The following MSI2 variants were observed in gnomAD, a reference collection of about 807,000 sequenced individuals.
MSI2 encodes musashi RNA binding protein 2, also known as RNA-binding protein Musashi homolog 2.
MSI2 carries 17 observed loss-of-function variants against 45.6 expected under a neutral mutation model. The observed-to-expected ratio is 0.37, with a 90% confidence interval of 0.26 to 0.56. The LOEUF is 0.56. MSI2 is among the 20% of genes least tolerant of loss of function. The pLI is 0.77. For synonymous variants in MSI2, 156 were observed against 158.2 expected (o/e 0.99, Z 0.11); for missense variants, 293 against 444.2 (o/e 0.66, Z 3.06).
chr17:57,668,653 G>A (rs1038597380), intron 11 of MSI2, among the ~76,000 whole-genome samples: 1 of 152,160 alleles, frequency 6.6e-6, no homozygotes, highest in Non-Finnish European at 1.5e-5. Flanking sequence ...TGTGTAAGAG[G>A]AGCCAGGGGA....
At chr17:57,543,481 AT>A (rs1346997915) in intron 7 of MSI2, among the ~76,000 whole-genome samples, 1 of 152,238 alleles carries the variant, frequency 6.6e-6, no homozygotes, top group Non-Finnish European at 1.5e-5. Flanking sequence ...GTGCCTATGC[AT>A]TTCTACCCCA....
intron 2 of MSI2, 86 bp downstream of exon 2, chr17:57,257,224 C>CT (rs1638610675): frequency 1.9e-6 from 1 of 533,354 alleles, no homozygotes; most frequent in Non-Finnish European, 2.9e-6. Flanking sequence ...GAGCCCCCCC[C>CT]CCCCCGCCAT....
intron 7 of MSI2, among the ~76,000 whole-genome samples, chr17:57,534,300 C>T (rs962283916): frequency 1.4e-4 from 21 of 152,254 alleles, no homozygotes; most frequent in Admixed American, 3.9e-4. Context: ...TTCTCCACAA[C>T]AGCCTTCTTG....
chr17:57,581,939 G>A lies in MSI2; in HGVS notation c.455-14929G>A, dbSNP rs551715780. Reference sequence around the variant, plus strand: ...TGCTATGAAAAATTTATTGAGACGAGTTCAGGTATGGCTGCCGTTAACATG... The same window carrying A: ...TGCTATGAAAAATTTATTGAGACGAATTCAGGTATGGCTGCCGTTAACATG... On this transcript the variant is annotated intron_variant, in intron 7 of 13. Coordinates refer to ENST00000284073, the MANE Select transcript of MSI2 (RefSeq NM_138962.4). Among the ~76,000 whole-genome samples the A allele has an allele frequency of 2.0e-5, 3 of 152,324 alleles. No homozygotes were observed. In the South Asian group the frequency reaches 6.2e-4, roughly 32 times the overall value.
At chr17:57,566,939 C>T (rs1023694083) in intron 7 of MSI2, among the ~76,000 whole-genome samples, 5 of 152,190 alleles carry the variant, frequency 3.3e-5, no homozygotes, top group Admixed American at 6.5e-5. Context: ...CATGTTCAAA[C>T]CCATTCTTCC....
chr17:57,701,506 T>G, the MSI2 span, among the ~76,000 whole-genome samples: 1 of 152,296 alleles, frequency 6.6e-6, no homozygotes, highest in African/African-American at 2.4e-5. Context: ...CACCGGACAC[T>G]GAAGCCACTG....
At chr17:57,657,133 T>C (rs1372846060) in intron 11 of MSI2, among the ~76,000 whole-genome samples, 1 of 152,148 alleles carries the variant, frequency 6.6e-6, no homozygotes, top group East Asian at 1.9e-4. Flanking sequence ...CCTGAGAGAA[T>C]GCGTAGAGAT....
chr17:57,700,337 A>C, the MSI2 span, among the ~76,000 whole-genome samples: 15 of 152,244 alleles, frequency 9.9e-5, no homozygotes, highest in African/African-American at 3.6e-4. Context: ...TATTCTGAAC[A>C]TAATTTAATC....
In MSI2 at chr17:57,341,082, C is replaced by A. The variant is rs1049831116; in HGVS notation, c.313-60297C>A. Among the ~76,000 whole-genome samples, 4 of 152,144 alleles carry A rather than the reference C, an allele frequency of 2.6e-5. No homozygotes were observed. In the East Asian group the frequency reaches 7.7e-4, roughly 29 times the overall value. On this transcript the variant is annotated intron_variant, in intron 5 of 13. Coordinates refer to ENST00000284073, the MANE Select transcript of MSI2 (RefSeq NM_138962.4). Reference sequence around the variant, plus strand: ...GGTGTGAGAGAGCTGCTGCACCTTTCCCTAGCCCTCTTCTTTTAGAACATG... The same window carrying A: ...GGTGTGAGAGAGCTGCTGCACCTTTACCTAGCCCTCTTCTTTTAGAACATG...
intron 7 of MSI2, among the ~76,000 whole-genome samples, chr17:57,563,702 T>G (rs890793732): frequency 6.6e-5 from 10 of 150,380 alleles, no homozygotes; most frequent in Admixed American, 6.0e-4. Flanking sequence ...TCTGTCTGTC[T>G]GTCTGTCTCT....
chr17:57,396,877 G>C (rs1567800082), intron 5 of MSI2, among the ~76,000 whole-genome samples: 1 of 152,224 alleles, frequency 6.6e-6, no homozygotes, highest in Admixed American at 6.5e-5. Context: ...AGGGGCGCCT[G>C]CTGGGAGAGG....
intron 6 of MSI2, among the ~76,000 whole-genome samples, chr17:57,461,485 G>T (rs759695012): frequency 7.2e-5 from 11 of 152,060 alleles, no homozygotes; most frequent in Non-Finnish European, 1.5e-4. Flanking sequence ...TCTCCTTCTG[G>T]GGCCCGGGCT....
At chr17:57,623,492 G>A (rs989543401) in intron 9 of MSI2, among the ~76,000 whole-genome samples, 2 of 152,280 alleles carry the variant, frequency 1.3e-5, no homozygotes, top group South Asian at 4.2e-4. Context: ...TGAGCTCAGT[G>A]GCAAATCCAA....
intron 6 of MSI2, among the ~76,000 whole-genome samples, chr17:57,430,025 C>A (rs767217864): frequency 1.3e-5 from 2 of 152,160 alleles, no homozygotes; most frequent in African/African-American, 4.8e-5. Flanking sequence ...GCATGGAAGT[C>A]CTCAGCAGAG....
intron 11 of MSI2, among the ~76,000 whole-genome samples, chr17:57,665,071 C>T (rs1912266969): frequency 6.6e-6 from 1 of 152,208 alleles, no homozygotes; most frequent in African/African-American, 2.4e-5. Flanking sequence ...CCCCAGCCTC[C>T]TCTAACTGGG....
At chr17:57,641,829 C>T (rs979306044) in intron 10 of MSI2, among the ~76,000 whole-genome samples, 2 of 152,164 alleles carry the variant, frequency 1.3e-5, no homozygotes, top group Non-Finnish European at 2.9e-5. Context: ...AAGTGGGTGT[C>T]CCTGGCCTAT....
intron 6 of MSI2, among the ~76,000 whole-genome samples, chr17:57,483,503 T>C (rs183018351): frequency 2.6e-5 from 4 of 152,292 alleles, no homozygotes; most frequent in African/African-American, 9.6e-5. Flanking sequence ...GTGGCTGTTT[T>C]GCGGGGCCAC....
At position 57,615,855 on chromosome 17, in the gene MSI2, A is replaced by G. The variant is rs957038595; in HGVS notation, c.538-115A>G. ...CCATTTACTCGGCATGGCTATTTTT[A>G]CAGTGGGTAAGGAGCAAGGCTAAAA... On this transcript the variant is annotated intron_variant, in intron 8 of 13. Transcript: ENST00000284073. The G allele has an allele frequency of 4.7e-5, 35 of 739,634 alleles. No homozygotes were observed. The Admixed American group carries it at 8.5e-4, about 18-fold the overall frequency. 45.8% of individuals were successfully genotyped at this position (739,634 alleles called of 1,614,324 possible). A position where few individuals can be genotyped will look rare whatever the true frequency, so the allele number is the denominator to read the frequency against.
At chr17:57,640,087 G>A (rs933114357) in intron 10 of MSI2, among the ~76,000 whole-genome samples, 2 of 152,162 alleles carry the variant, frequency 1.3e-5, no homozygotes, top group Non-Finnish European at 2.9e-5. Flanking sequence ...TCCTAGAGGA[G>A]GTGGGGGGAG....
Sources: allele counts gnomAD v4.1 joint callset (sites outside exome capture counted in the v4.1 genomes callset), GRCh38; gene constraint gnomAD v4.1.1; transcripts MANE v1.5; gene names NCBI Gene and HGNC (gene_info 2026-07-23, HGNC 2026-07-21).